GALNTL6: variants seen among roughly 807,000 people sequenced by gnomAD.
GALNTL6 encodes polypeptide N-acetylgalactosaminyltransferase like 6.
A neutral mutation model predicts 73.7 loss-of-function variants in GALNTL6; 46 were observed. The ratio of observed to expected loss-of-function variants is 0.62; its 90% CI spans 0.49 to 0.80. The LOEUF is 0.80. GALNTL6 is among the 30% of genes least tolerant of loss of function. The pLI is 0.00. For missense variants in GALNTL6, 604 were observed against 755.0 expected, an observed-to-expected ratio of 0.80 and a Z score of 2.34; for synonymous variants, 259 against 263.7, an observed-to-expected ratio of 0.98 and a Z score of 0.17.
At chr4:171,881,258 A>C (rs1736439829) in intron 2 of GALNTL6, among the ~76,000 whole-genome samples, 1 of 152,192 alleles carries the variant, frequency 6.6e-6, no homozygotes, top group Admixed American at 6.5e-5. Flanking sequence ...GAATGAAGTT[A>C]GCTTGTTAGT....
At chr4:172,455,927 A>G (rs896585276) in intron 5 of GALNTL6, among the ~76,000 whole-genome samples, 2 of 152,132 alleles carry the variant, frequency 1.3e-5, no homozygotes, top group African/African-American at 4.8e-5. Flanking sequence ...GCAGGGGTCA[A>G]CAGACACCTC....
intron 2 of GALNTL6, among the ~76,000 whole-genome samples, chr4:171,988,238 AAGG>A (rs1291603026): frequency 6.6e-6 from 1 of 152,158 alleles, no homozygotes; most frequent in African/African-American, 2.4e-5. Context: ...CTAGGAAGGA[AAGG>A]AGTTCTTGTT....
Position 172,424,518 on chromosome 4 carries a change from T to A in GALNTL6, c.553+75829T>A, listed in dbSNP as rs191178037. Among the ~76,000 whole-genome samples the A allele has an allele frequency of 8.1e-3, 1,236 of 152,238 alleles. 11 individuals carry two copies. The highest frequency in any genetic ancestry group is 0.028 in the African/African-American group (1,165 of 41,548). Reference sequence around the variant, plus strand: ...TATTATAAAAAATAAATTAAAACTATAAAAACGATTTAAATGTAATAGAAA... The same window carrying A: ...TATTATAAAAAATAAATTAAAACTAAAAAAACGATTTAAATGTAATAGAAA... On this transcript the variant is annotated intron_variant, in intron 5 of 12. Coordinates refer to ENST00000506823, the MANE Select transcript of GALNTL6 (RefSeq NM_001034845.3).
chr4:171,821,628 C>T (rs1045925148), intron 2 of GALNTL6, among the ~76,000 whole-genome samples: 1 of 135,586 alleles, frequency 7.4e-6, no homozygotes, highest in African/African-American at 3.0e-5. Flanking sequence ...CAGTATATAA[C>T]AAGGCTTAAC....
intron 5 of GALNTL6, among the ~76,000 whole-genome samples, chr4:172,490,106 C>G (rs1733843444): frequency 6.6e-6 from 1 of 152,106 alleles, no homozygotes; most frequent in Non-Finnish European, 1.5e-5. Context: ...AGTCTTGCCT[C>G]AGGGTTTTTA....
At chr4:172,517,906 A>G (rs1006658795) in intron 5 of GALNTL6, among the ~76,000 whole-genome samples, 8 of 152,050 alleles carry the variant, frequency 5.3e-5, no homozygotes, top group African/African-American at 1.9e-4. Context: ...ATTCATTTCA[A>G]CCATTCTATT....
intron 2 of GALNTL6, among the ~76,000 whole-genome samples, chr4:172,132,848 A>G (rs1433779675): frequency 6.6e-6 from 1 of 152,178 alleles, no homozygotes; most frequent in Non-Finnish European, 1.5e-5. Flanking sequence ...TGATCCTTTA[A>G]GTATCTTTTT....
At chr4:172,080,804 T>C (rs1731857069) in intron 2 of GALNTL6, among the ~76,000 whole-genome samples, 1 of 151,652 alleles carries the variant, frequency 6.6e-6, no homozygotes, top group Admixed American at 6.6e-5. Flanking sequence ...TAAAATATAG[T>C]ATATAAATTG....
At chr4:172,141,809 T>A (rs1466488654) in intron 2 of GALNTL6, among the ~76,000 whole-genome samples, 2 of 151,756 alleles carry the variant, frequency 1.3e-5, no homozygotes, top group Non-Finnish European at 2.9e-5. Context: ...AGTACTAACT[T>A]GCTATTTAAC....
chr4:172,089,112 C>T (rs1732126393), intron 2 of GALNTL6, among the ~76,000 whole-genome samples: 2 of 152,106 alleles, frequency 1.3e-5, no homozygotes, highest in South Asian at 2.1e-4. Context: ...GAGAATAGAC[C>T]AGTCCAATTA....
At chr4:171,910,138 C>T (rs1274015815) in intron 2 of GALNTL6, among the ~76,000 whole-genome samples, 1 of 152,074 alleles carries the variant, frequency 6.6e-6, no homozygotes, top group East Asian at 1.9e-4. Context: ...TAGTAATCTA[C>T]TGCTTTGCTC....
At chr4:172,886,939 G>T (rs939107223) in intron 8 of GALNTL6, among the ~76,000 whole-genome samples, 11 of 152,142 alleles carry the variant, frequency 7.2e-5, no homozygotes, top group Admixed American at 2.0e-4. Flanking sequence ...CCCACATAGT[G>T]AGCATGGTAC....
intron 2 of GALNTL6, among the ~76,000 whole-genome samples, chr4:172,097,085 G>T (rs1431016653): frequency 2.0e-5 from 3 of 152,222 alleles, no homozygotes; most frequent in Admixed American, 2.0e-4. Context: ...TTCGAGAGCA[G>T]TGTGTAGAGG....
At chr4:172,886,731 C>A (rs867368230) in intron 8 of GALNTL6, among the ~76,000 whole-genome samples, 6 of 151,864 alleles carry the variant, frequency 4.0e-5, no homozygotes, top group Non-Finnish European at 8.8e-5. Context: ...CCATTGCACT[C>A]CAGCCTGGGC....
chr4:172,202,200 A>C (rs1433173869), intron 2 of GALNTL6, among the ~76,000 whole-genome samples: 1 of 152,202 alleles, frequency 6.6e-6, no homozygotes, highest in East Asian at 1.9e-4. Context: ...AAAATTTGCC[A>C]GTTTCTTTGT....
chr4:172,705,917 T>G (rs2111307078), intron 5 of GALNTL6, among the ~76,000 whole-genome samples: 2 of 152,298 alleles, frequency 1.3e-5, no homozygotes, highest in South Asian at 4.1e-4. Flanking sequence ...CCTTGAACTT[T>G]GAGAGTTTGG....
intron 2 of GALNTL6, among the ~76,000 whole-genome samples, chr4:171,837,194 T>C (rs925126003): frequency 6.6e-6 from 1 of 152,074 alleles, no homozygotes; most frequent in Non-Finnish European, 1.5e-5. Flanking sequence ...CTGAATCAAA[T>C]AGTGAAACAG....
At chr4:172,145,059 G>T (rs1054227237) in intron 2 of GALNTL6, among the ~76,000 whole-genome samples, 4 of 152,066 alleles carry the variant, frequency 2.6e-5, no homozygotes, top group Non-Finnish European at 5.9e-5. Flanking sequence ...CCAGCCTTAG[G>T]TGATCCTCCC....
intron 5 of GALNTL6, among the ~76,000 whole-genome samples, chr4:172,534,651 C>T (rs1159351822): frequency 6.6e-6 from 1 of 152,084 alleles, no homozygotes. Context: ...TCACTGCAAC[C>T]TCCGCCTCCT....
Sources: allele counts gnomAD v4.1 joint callset (sites outside exome capture counted in the v4.1 genomes callset), GRCh38; gene constraint gnomAD v4.1.1; transcripts MANE v1.5; gene names NCBI Gene and HGNC (gene_info 2026-07-23, HGNC 2026-07-21).